ANKUB1: variants seen among roughly 807,000 people sequenced by gnomAD.
ANKUB1 encodes the protein ankyrin repeat and ubiquitin domain containing 1.
A neutral mutation model predicts 49.3 loss-of-function variants in ANKUB1; 42 were observed. That is an observed-to-expected ratio of 0.85 (90% confidence interval 0.67 to 1.10). The LOEUF (loss-of-function observed/expected upper bound fraction) is 1.10, where lower values mean the gene tolerates loss of function less well. Ranked by LOEUF, ANKUB1 falls within the 50% of genes least tolerant of loss-of-function variation. The pLI is 0.00. For synonymous variants in ANKUB1, 222 were observed against 231.0 expected, an observed-to-expected ratio of 0.96 and a Z score of 0.35; for missense variants, 613 against 642.0, an observed-to-expected ratio of 0.95 and a Z score of 0.49.
At chr3:149,789,645 T>TTC (rs1718269351) in intron 2 of ANKUB1, among the ~76,000 whole-genome samples, 2 of 151,424 alleles carry the variant, frequency 1.3e-5, no homozygotes, top group African/African-American at 2.4e-5. Context: ...TTTTTTTTTT[T>TTC]CCGAGATGGG....
At position 149,777,503 on chromosome 3, in the gene ANKUB1, A is replaced by AAC. The variant is rs1559867093; in HGVS notation, c.451+2735_451+2736insGT. Among the ~76,000 whole-genome samples the AAC allele has an allele frequency of 9.5e-4, 123 of 130,050 alleles. 1 individual carries two copies. In the East Asian group the frequency reaches 0.023, roughly 25 times the overall value. 85.3% of individuals were successfully genotyped at this position (130,050 alleles called of 152,430 possible). On this transcript the variant is annotated intron_variant, in intron 3 of 5. Coordinates refer to ENST00000446160, the MANE Select transcript of ANKUB1 (RefSeq NM_001144960.3). ...ACAACAACAACAACAACAACAACAAAAAAACACTCCTGTTCCAGAAGGTGC... is the reference window on the plus strand; with the variant it reads ...ACAACAACAACAACAACAACAACAAAACAAAACACTCCTGTTCCAGAAGGTGC...
chr3:149,767,274 G>A lies in ANKUB1; in HGVS notation c.1388C>T (p.Ser463Leu), dbSNP rs575692085. The change falls in exon 5 of 6, where the codon TCG becomes TTG. Residue 463 changes from serine (S) to leucine (L), a missense_variant. Transcript: ENST00000446160. Reference sequence around the variant, plus strand: ...AGCACTGGGTGTTGCATAGAAAAACGATGGATGTGAATATCCCACTCTTGA... The same window carrying A: ...AGCACTGGGTGTTGCATAGAAAAACAATGGATGTGAATATCCCACTCTTGA... ...PVSRVGYSHP[S>L]FFYATPSADF... 1.3e-4 allele frequency: 205 copies of A among 1,551,634 alleles called. 7 individuals carry two copies. The South Asian group carries it at 2.1e-3, about 16-fold the overall frequency.
chr3:149,775,454 C>G (rs181860419), intron 3 of ANKUB1, among the ~76,000 whole-genome samples: 1 of 152,262 alleles, frequency 6.6e-6, no homozygotes, highest in East Asian at 1.9e-4. Context: ...CTTAACTTCT[C>G]TGAACTTCAG....
At chr3:149,774,234 G>A (rs1030956812) in intron 3 of ANKUB1, among the ~76,000 whole-genome samples, 11 of 152,172 alleles carry the variant, frequency 7.2e-5, no homozygotes, top group African/African-American at 2.7e-4. Flanking sequence ...CACGTTGTCA[G>A]AGCCTCGATG....
chr3:149,786,100 A>G (rs1718087764), intron 2 of ANKUB1, among the ~76,000 whole-genome samples: 1 of 152,086 alleles, frequency 6.6e-6, no homozygotes, highest in Admixed American at 6.5e-5. Flanking sequence ...CAGTGGTGCT[A>G]TCTCGGCTCA....
chr3:149,761,933 G>T (rs972267950), intron 5 of ANKUB1, among the ~76,000 whole-genome samples: 7 of 151,904 alleles, frequency 4.6e-5, no homozygotes, highest in Non-Finnish European at 8.8e-5. Flanking sequence ...ATATTCCCTG[G>T]CCTCCTCTTT....
intron 4 of ANKUB1, among the ~76,000 whole-genome samples, 182 bp downstream of exon 4, chr3:149,770,378 A>C (rs1717292475): frequency 6.6e-6 from 1 of 152,190 alleles, no homozygotes; most frequent in South Asian, 2.1e-4. Context: ...TCCTGATGGC[A>C]TCCCTGCTGT....
chr3:149,773,712 A>G (rs772835299), intron 3 of ANKUB1, among the ~76,000 whole-genome samples: 4 of 152,152 alleles, frequency 2.6e-5, no homozygotes, highest in Non-Finnish European at 5.9e-5. Flanking sequence ...TTTTTAGTTT[A>G]TTGTGAAAAT....
chr3:149,777,702 G>C (rs1576676338), intron 3 of ANKUB1, among the ~76,000 whole-genome samples: 1 of 152,216 alleles, frequency 6.6e-6, no homozygotes, highest in Middle Eastern at 3.4e-3. Flanking sequence ...CCTCTCAGAT[G>C]ATCCATGGTT....
At chr3:149,780,536 C>T (rs1354391705) in intron 2 of ANKUB1, 81 bp from the exon 3 acceptor site, 2 of 1,021,254 alleles carry the variant, frequency 2.0e-6, no homozygotes. Flanking sequence ...GCTTTGAGCA[C>T]CTCTAGCTCC....
At chr3:149,766,687 A>G in intron 5 of ANKUB1, 1 of 609,682 alleles carries the variant, frequency 1.6e-6, no homozygotes. Context: ...AGTCCCAGCT[A>G]CTTGGAAGGC....
chr3:149,786,556 CT>C (rs1482538267), intron 2 of ANKUB1, among the ~76,000 whole-genome samples: 1 of 152,124 alleles, frequency 6.6e-6, no homozygotes, highest in Non-Finnish European at 1.5e-5. Flanking sequence ...ATGGTAGTTT[CT>C]TTTGCTGTGC....
At chr3:149,780,599 G>T (rs1717819281) in intron 2 of ANKUB1, 144 bp from the exon 3 acceptor site, 1 of 643,652 alleles carries the variant, frequency 1.6e-6, no homozygotes, top group Non-Finnish European at 2.7e-6. Flanking sequence ...TCTGCCTTCT[G>T]GTCTGAGTCT....
At chr3:149,792,213 T>A (rs1718388772) in intron 1 of ANKUB1, 64 bp downstream of exon 1, 1 of 1,211,110 alleles carries the variant, frequency 8.3e-7, no homozygotes, top group African/African-American at 1.6e-5. Context: ...CTTTGTACAT[T>A]TTTAAATGCA....
At chr3:149,761,649 T>A in intron 5 of ANKUB1, 36 bp from the exon 6 acceptor site, 1 of 1,545,638 alleles carries the variant, frequency 6.5e-7, no homozygotes, top group South Asian at 1.2e-5. Context: ...TAAGGAGGTC[T>A]GATCTTGTCT....
intron 3 of ANKUB1, among the ~76,000 whole-genome samples, chr3:149,774,439 A>T (rs1717500095): frequency 6.6e-6 from 1 of 152,320 alleles, no homozygotes. Context: ...AAGGACTTAT[A>T]TGAGGCTAAC....
At position 149,790,789 on chromosome 3, in the gene ANKUB1, A is replaced by C. The variant is rs1718324141; in HGVS notation, c.226T>G (p.Phe76Val). ...TATCCTGACCATCATACCTTAACAA[A>C]GCATTTGAGAGTTGAACAGAAAGAT... ...GISFCSTLKC[F>V]VKEEDKPTLY... The change falls in exon 2 of 6, where the codon TTT (phenylalanine) becomes GTT (valine). Residue 76 changes from phenylalanine to valine, a missense_variant. Phe to Val is a conservative substitution (Grantham distance 50). Coordinates refer to ENST00000446160, the MANE Select transcript of ANKUB1 (RefSeq NM_001144960.3). The C allele has an allele frequency of 6.4e-7, 1 of 1,550,508 alleles. No individual in the cohort carries two copies. The highest frequency in any genetic ancestry group is 1.2e-5 in the South Asian group (1 of 83,812).
Position 149,791,089 on chromosome 3 carries a change from A to T in ANKUB1, c.91-165T>A, listed in dbSNP as rs73870417. ...TCTTAACTTAGAGAACTTCCAAAAC[A>T]TTTATGGGTAGAATTTAGATGGGAA... On this transcript the variant is annotated intron_variant, in intron 1 of 5. Coordinates refer to ENST00000446160, the MANE Select transcript of ANKUB1 (RefSeq NM_001144960.3). Among the ~76,000 whole-genome samples the T allele has an allele frequency of 9.3e-4, 141 of 152,332 alleles. 1 individual carries two copies. The highest frequency in any genetic ancestry group is 3.3e-3 in the African/African-American group (136 of 41,578).
At chr3:149,763,884 GTT>G in intron 5 of ANKUB1, 2 of 456,164 alleles carry the variant, frequency 4.4e-6, no homozygotes, top group Non-Finnish European at 8.8e-6. Flanking sequence ...ACCCTGAGAG[GTT>G]TAGTTTTATG....
Sources: gnomAD v4.1 joint callset for allele counts (sites outside exome capture counted in the v4.1 genomes callset) on GRCh38, gnomAD v4.1.1 for gene constraint, MANE v1.5 for transcripts, NCBI Gene and HGNC (gene_info 2026-07-23, HGNC 2026-07-21) for gene names.